Variants in NCAPD3 observed in about 807,000 individuals in gnomAD.
The protein encoded by NCAPD3 is condensin-2 complex subunit D3.
Under a neutral mutation model 182.9 loss-of-function variants are expected in NCAPD3, and 105 were observed. The ratio of observed to expected loss-of-function variants is 0.57; its 90% CI spans 0.49 to 0.68. The LOEUF (loss-of-function observed/expected upper bound fraction) is 0.68, where lower values mean the gene tolerates loss of function less well. Ranked by LOEUF, NCAPD3 falls within the 30% of genes least tolerant of loss-of-function variation. NCAPD3 has a pLI of 0.00. For missense variants in NCAPD3, 1,944 were observed against 1,837.0 expected (o/e 1.06, Z -1.07); for synonymous variants, 815 against 679.9 (o/e 1.20, Z -3.09).
intron 13 of NCAPD3, among the ~76,000 whole-genome samples, chr11:134,200,343 G>T (rs1156570450): frequency 1.3e-5 from 2 of 152,068 alleles, no homozygotes; most frequent in Non-Finnish European, 2.9e-5. Flanking sequence ...TCATATATCT[G>T]ATAAGGTATA....
In NCAPD3 at chr11:134,210,438, T is replaced by A; in HGVS notation, c.399A>T (p.Gln133His). The change falls in exon 4 of 35, where the codon CAA becomes CAT. Residue 133 changes from glutamine to histidine, a missense_variant. Physicochemically the swap from Gln to His is conservative, Grantham distance 24. Around this residue, in one of 3 missense-constraint regions of NCAPD3, gnomAD observed 10 missense variants for 28.4 expected, o/e 0.35. Coordinates refer to ENST00000534548, the MANE Select transcript of NCAPD3 (RefSeq NM_015261.3). Reference protein sequence around the residue: ...LLEVPGSVANQVFHPVMFDKC... With the variant: ...LLEVPGSVANHVFHPVMFDKC... ...TGTCAAACATCACTGGGTGGAATACTTGATTGGCTACACTGCCTATTCATG... is the reference window on the plus strand; with the variant it reads ...TGTCAAACATCACTGGGTGGAATACATGATTGGCTACACTGCCTATTCATG... 1 of 1,614,018 alleles carries A rather than the reference T, an allele frequency of 6.2e-7. No individual in the cohort carries two copies. The highest frequency in any genetic ancestry group is 8.5e-7 in the Non-Finnish European group (1 of 1,179,868).
chr11:134,177,183 T>A, intron 23 of NCAPD3, 36 bp downstream of exon 23: 5 of 1,486,558 alleles, frequency 3.4e-6, no homozygotes, highest in Non-Finnish European at 4.7e-6. Flanking sequence ...GAAGCAATGG[T>A]GAAGGGGAAA....
Position 134,152,954 on chromosome 11 carries a change from G to A in NCAPD3, c.4487C>T (p.Thr1496Ile), listed in dbSNP as rs1159878749. The change falls in exon 35 of 35, where the codon ACA becomes ATA. Residue 1496 changes from threonine (T) to isoleucine (I), a missense_variant. Physicochemically the swap from Thr to Ile is moderately conservative, Grantham distance 89. Coordinates refer to ENST00000534548, the MANE Select transcript of NCAPD3 (RefSeq NM_015261.3). ...GGTGGGAGGCGCTGTTTAGTTGGCT[G>A]TTTTCAGAGGGGTCTTTCGGAGGGA... ...RRSLRKTPLKTAN is the reference protein window; with the variant it reads ...RRSLRKTPLKIAN The A allele has an allele frequency of 1.3e-6, 2 of 1,553,924 alleles. No individual in the cohort carries two copies. The highest frequency in any genetic ancestry group is 1.7e-6 in the Non-Finnish European group (2 of 1,150,992).
chr11:134,161,041 C>G (rs377187842), intron 28 of NCAPD3, among the ~76,000 whole-genome samples: 3 of 151,752 alleles, frequency 2.0e-5, no homozygotes, highest in Non-Finnish European at 4.4e-5. Context: ...ACTATCTTTC[C>G]TACCTTGGCT....
Position 134,153,061 on chromosome 11 carries a change from A to C in NCAPD3, c.4389-9T>G. Reference sequence around the variant, plus strand: ...GCTGAGGCTGTGGGGGCCTAGGGAAAGGACATGTGCAGTCATTCTGGAACT... The same window carrying C: ...GCTGAGGCTGTGGGGGCCTAGGGAACGGACATGTGCAGTCATTCTGGAACT... On this transcript the variant is annotated splice_polypyrimidine_tract_variant and intron_variant, in intron 34 of 34. Transcript: ENST00000534548. The C allele has an allele frequency of 6.2e-7, 1 of 1,606,928 alleles. No homozygotes were observed. The highest frequency in any genetic ancestry group is 8.5e-7 in the Non-Finnish European group (1 of 1,174,614).
rs1365787694 is a variant in NCAPD3, at chr11:134,184,685, G to A, written c.2403C>T (p.Ala801=). Residue 801 remains alanine, a synonymous_variant, in exon 19 of 35, where the codon GCC becomes GCT. Transcript: ENST00000534548. The part of the protein sequence containing the change: ...SLEVISSAVD[A]LQRLCRASAE... ...CAGATGCTCTACAAAGCCTCTGCAA[G>A]GCGTCAACAGCTGAACTGATCACCT... 6.2e-7 allele frequency: 1 copy of A among 1,613,952 alleles called. No homozygotes were observed. Among genetic ancestry groups the A allele is most frequent in the Middle Eastern group, 1.7e-4 (1 of 6,052 alleles).
chr11:134,178,812 A>C lies in NCAPD3; in HGVS notation c.2674+10T>G, dbSNP rs1317178323. The C allele has an allele frequency of 3.1e-6, 5 of 1,613,674 alleles. No homozygotes were observed. In the Admixed American group the frequency reaches 8.3e-5, roughly 27 times the overall value. On this transcript the variant is annotated intron_variant, in intron 21 of 34. Transcript: ENST00000534548. ...ATGCGTGCTACAGAGTATGATTTCAAATGCCTTACAGTGGTCAGCATCAGC... is the reference window on the plus strand; with the variant it reads ...ATGCGTGCTACAGAGTATGATTTCACATGCCTTACAGTGGTCAGCATCAGC...
chr11:134,185,247 A>G, intron 17 of NCAPD3, 88 bp downstream of exon 17: 1 of 1,186,226 alleles, frequency 8.4e-7, no homozygotes, highest in Non-Finnish European at 1.2e-6. Context: ...GTATATGAAT[A>G]GCTATGAAAA....
chr11:134,202,635 C>T (rs980650776), intron 13 of NCAPD3, among the ~76,000 whole-genome samples, 181 bp downstream of exon 13: 19 of 151,958 alleles, frequency 1.3e-4, no homozygotes, highest in African/African-American at 4.6e-4. Context: ...CAGGCCTCAG[C>T]CTCCCAAAGT....
At position 134,168,655 on chromosome 11, in the gene NCAPD3, A is replaced by G. The variant is rs962398506; in HGVS notation, c.3240-53T>C. On this transcript the variant is annotated intron_variant, in intron 25 of 34. Transcript: ENST00000534548. The stretch of plus-strand genomic sequence containing the variant: ...CATCACATGGGCACGGGTGTAAGGG[A>G]TTTAACACTGCACTTTAACTGCATC... 1.3e-5 allele frequency: 21 copies of G among 1,607,294 alleles called. No homozygotes were observed. The African/African-American group carries it at 2.3e-4, about 17-fold the overall frequency.
chr11:134,205,522 G>T (rs1937595468), intron 8 of NCAPD3, among the ~76,000 whole-genome samples: 1 of 152,014 alleles, frequency 6.6e-6, no homozygotes, highest in Non-Finnish European at 1.5e-5. Context: ...TGGGATTACA[G>T]GTGCCCGCCA....
intron 28 of NCAPD3, among the ~76,000 whole-genome samples, 175 bp downstream of exon 28, chr11:134,161,606 T>C (rs1056641919): frequency 6.6e-6 from 1 of 152,162 alleles, no homozygotes; most frequent in African/African-American, 2.4e-5. Context: ...AAGAGCGGCT[T>C]TGGTGGAACC....
chr11:134,204,783 G>GT lies in NCAPD3; in HGVS notation c.1089+115dup, dbSNP rs1944816056. 1.3e-6 allele frequency: 1 copy of GT among 765,300 alleles called. No individual in the cohort carries two copies. Among genetic ancestry groups the GT allele is most frequent in the Non-Finnish European group, 2.0e-6 (1 of 488,412 alleles). The allele number at this position is 765,300 out of a possible 1,614,324, so 47.4% of individuals were successfully genotyped here. On this transcript the variant is annotated intron_variant, in intron 9 of 34. Coordinates refer to ENST00000534548, the MANE Select transcript of NCAPD3 (RefSeq NM_015261.3). This position sits in a 1 kb window ranked among gnomAD's most constrained non-coding sequence, Gnocchi z 4.3. ...TGAACATTAAATAAAACCACTTTAA[G>GT]TAACAATGCACACTCATTCCCAAGA...
chr11:134,157,790 A>T, intron 31 of NCAPD3, 138 bp downstream of exon 31: 1 of 983,970 alleles, frequency 1.0e-6, no homozygotes, highest in Non-Finnish European at 1.5e-6. Flanking sequence ...TTTACTACCC[A>T]TGATCCTAAA....
chr11:134,184,614 T>C lies in NCAPD3; in HGVS notation c.2451+23A>G, dbSNP rs568172991. 4.2e-5 allele frequency: 64 copies of C among 1,513,228 alleles called. 1 individual carries two copies. The Middle Eastern group carries it at 5.9e-3, about 140-fold the overall frequency. The allele number at this position is 1,513,228 out of a possible 1,614,324, so 93.7% of individuals were successfully genotyped here. Reference sequence around the variant, plus strand: ...CCTAAGCTCAAAGAAGTCAGAAACATGTCAGGGAAAGTCTGGCCATACCTG... The same window carrying C: ...CCTAAGCTCAAAGAAGTCAGAAACACGTCAGGGAAAGTCTGGCCATACCTG... On this transcript the variant is annotated intron_variant, in intron 19 of 34. Coordinates refer to ENST00000534548, the MANE Select transcript of NCAPD3 (RefSeq NM_015261.3).
chr11:134,209,299 G>A lies in NCAPD3; in HGVS notation c.732+14C>T, dbSNP rs766513646. The stretch of plus-strand genomic sequence containing the variant: ...CTTTGAAGTTGCCCTAAGGTTCCTG[G>A]AATTTTCACTTACCTCTATACAATT... On this transcript the variant is annotated intron_variant, in intron 5 of 34. Coordinates refer to ENST00000534548, the MANE Select transcript of NCAPD3 (RefSeq NM_015261.3). 14 of 1,609,546 alleles carry A rather than the reference G, an allele frequency of 8.7e-6. No homozygotes were observed. The African/African-American group carries it at 1.7e-4, about 20-fold the overall frequency.
chr11:134,198,945 C>G (rs936950245), intron 13 of NCAPD3, among the ~76,000 whole-genome samples: 1 of 151,942 alleles, frequency 6.6e-6, no homozygotes, highest in Non-Finnish European at 1.5e-5. Flanking sequence ...AATTAAAGAC[C>G]GAAAGAAATA....
intron 2 of NCAPD3, among the ~76,000 whole-genome samples, chr11:134,218,110 A>AAAG (rs1491564516): frequency 1.7e-5 from 1 of 59,550 alleles, no homozygotes. Flanking sequence ...AAAAAAAAAA[A>AAAG]GGGGGGGGGG....
At position 134,184,446 on chromosome 11, in the gene NCAPD3, A is replaced by C. The variant is rs79037757; in HGVS notation, c.2451+191T>G. 4.2e-3 allele frequency among the ~76,000 whole-genome samples: 637 copies of C among 152,334 alleles called. 4 individuals carry two copies. Among genetic ancestry groups the C allele is most frequent in the African/African-American group, 0.015 (610 of 41,574 alleles). On this transcript the variant is annotated intron_variant, in intron 19 of 34. Transcript: ENST00000534548. ...ACCATCTAAGGGTGCCGTGTCTCTT[A>C]GGCAGCTAAATCTTCTTGGGGAATG...
Sources: gnomAD v4.1 joint callset for allele counts (sites outside exome capture counted in the v4.1 genomes callset) on GRCh38, gnomAD v4.1.1 for gene constraint, gnomAD v4.1.1 regional missense constraint, Gnocchi (gnomAD v3.1) non-coding constraint, MANE v1.5 for transcripts, NCBI Gene and HGNC (gene_info 2026-07-23, HGNC 2026-07-21) for gene names.